Variants in DAGLA observed in about 807,000 individuals in gnomAD.
DAGLA encodes diacylglycerol lipase alpha.
A neutral mutation model predicts 102.6 loss-of-function variants in DAGLA; 22 were observed. That is an observed-to-expected ratio of 0.21 (90% CI 0.15 to 0.31). DAGLA has a LOEUF of 0.31. Ranked by LOEUF, DAGLA falls within the 10% of genes least tolerant of loss-of-function variation. The probability of loss-of-function intolerance (pLI) is 1.00; values close to 1 mark genes in which losing one functional copy is unlikely to be tolerated. For synonymous variants in DAGLA, 578 were observed against 628.9 expected, an observed-to-expected ratio of 0.92 and a Z score of 1.21; for missense variants, 927 against 1,446.6, an observed-to-expected ratio of 0.64 and a Z score of 5.83.
Position 61,744,699 on chromosome 11 carries a change from G to A in DAGLA, c.*210G>A. 1.9e-6 allele frequency: 1 copy of A among 539,706 alleles called. No individual in the cohort carries two copies. The highest frequency in any genetic ancestry group is 3.3e-6 in the Non-Finnish European group (1 of 307,632). 33.4% of individuals were successfully genotyped at this position (539,706 alleles called of 1,614,324 possible). On this transcript the variant is annotated 3_prime_UTR_variant, in exon 20 of 20. Transcript: ENST00000257215. ...GTGGCTGGGATCTGGCCCCACAGAT[G>A]GGGAAAGATGGGGAAGGGTGTGGAG... is the stretch of plus-strand genomic sequence containing the variant.
At chr11:61,739,364 A>G (rs2065454971) in intron 16 of DAGLA, 101 bp from the exon 17 acceptor site, 1 of 1,190,180 alleles carries the variant, frequency 8.4e-7, no homozygotes, top group Non-Finnish European at 1.2e-6. Flanking sequence ...CTTACTGCCC[A>G]CCTCTCACCT....
intron 6 of DAGLA, among the ~76,000 whole-genome samples, chr11:61,726,840 G>A (rs535138094): frequency 2.4e-4 from 37 of 152,348 alleles, no homozygotes; most frequent in Admixed American, 2.2e-3. Flanking sequence ...GCCCACCAGC[G>A]TCCCCTGGTG....
chr11:61,733,140 T>G (rs2065390653), intron 9 of DAGLA, among the ~76,000 whole-genome samples: 1 of 152,234 alleles, frequency 6.6e-6, no homozygotes, highest in Non-Finnish European at 1.5e-5. Context: ...CCACCTGCTC[T>G]TACAGAAGAG....
intron 1 of DAGLA, among the ~76,000 whole-genome samples, chr11:61,692,138 C>T (rs753275932): frequency 3.9e-5 from 6 of 152,186 alleles, no homozygotes; most frequent in African/African-American, 4.8e-5. Flanking sequence ...CTGCTGTGAT[C>T]GTACGTCCAG....
chr11:61,713,931 A>C (rs898348568), intron 1 of DAGLA, among the ~76,000 whole-genome samples: 1 of 152,144 alleles, frequency 6.6e-6, no homozygotes, highest in African/African-American at 2.4e-5. Flanking sequence ...ACCACCTTCC[A>C]ATTTCAAAGC....
At position 61,723,542 on chromosome 11, in the gene DAGLA, G is replaced by T. The variant is rs1279479213; in HGVS notation, c.518G>T (p.Arg173Met). Residue 173 changes from arginine (R) to methionine (M), a missense_variant, in exon 5 of 20, where the codon AGG becomes ATG. Arg to Met is a moderately conservative substitution (Grantham distance 91, BLOSUM62 -1). Transcript: ENST00000257215. The part of the protein sequence containing the change: ...TFVKLRATKR[R>M]QRNLRTYNLR... ...GTCAAGCTGAGAGCCACCAAGAGGA[G>T]GCAGCGTAACCTGCGGACCTACAAC... The T allele has an allele frequency of 9.3e-6, 15 of 1,614,094 alleles. No homozygotes were observed. Among genetic ancestry groups the T allele is most frequent in the Non-Finnish European group, 1.3e-5 (15 of 1,180,004 alleles).
At position 61,721,388 on chromosome 11, in the gene DAGLA, C is replaced by T. The variant is rs1156920638; in HGVS notation, c.307+498C>T. 1.3e-5 allele frequency among the ~76,000 whole-genome samples: 2 copies of T among 151,840 alleles called. 1 individual carries two copies. Among genetic ancestry groups the T allele is most frequent in the Non-Finnish European group, 2.9e-5 (2 of 67,924 alleles). On this transcript the variant is annotated intron_variant, in intron 3 of 19. Transcript: ENST00000257215. ...CAGCCTGGGTGACAGAGCAAGTCTC[C>T]ATCTCAAAAAAAAAGAAAATAAGGT...
intron 1 of DAGLA, among the ~76,000 whole-genome samples, chr11:61,705,077 A>T (rs2135564520): frequency 6.6e-6 from 1 of 152,170 alleles, no homozygotes; most frequent in East Asian, 1.9e-4. Context: ...GTGTTCACAG[A>T]GCCCAGGGCT....
intron 9 of DAGLA, among the ~76,000 whole-genome samples, chr11:61,732,279 C>T (rs1223510334): frequency 1.3e-5 from 2 of 152,188 alleles, no homozygotes; most frequent in Admixed American, 6.5e-5. Context: ...TCTGCAGCGC[C>T]CTCCCTGTCC....
intron 1 of DAGLA, among the ~76,000 whole-genome samples, chr11:61,704,923 C>G (rs1354311706): frequency 3.9e-5 from 6 of 152,154 alleles, no homozygotes; most frequent in African/African-American, 1.4e-4. Context: ...GATTGGGAAC[C>G]CTCAGCGGTG....
chr11:61,717,637 G>A (rs7927516), intron 1 of DAGLA, among the ~76,000 whole-genome samples: 2,601 of 152,326 alleles, frequency 0.017, 72 homozygotes, highest in African/African-American at 0.058. Flanking sequence ...GTAGAGCCCA[G>A]GTTCAAAACC....
At chr11:61,732,962 T>C (rs1201880232) in intron 9 of DAGLA, among the ~76,000 whole-genome samples, 2 of 152,236 alleles carry the variant, frequency 1.3e-5, no homozygotes, top group Non-Finnish European at 1.5e-5. Flanking sequence ...TCCGGGGTGC[T>C]GGCCCTGCTC....
At chr11:61,709,401 G>A (rs2065175635) in intron 1 of DAGLA, among the ~76,000 whole-genome samples, 1 of 152,110 alleles carries the variant, frequency 6.6e-6, no homozygotes, top group Non-Finnish European at 1.5e-5. Context: ...GCACCACCAC[G>A]CCCCGCTAAT....
In DAGLA at chr11:61,743,711, C is replaced by T. The variant is rs751323265; in HGVS notation, c.2351C>T (p.Ser784Leu). 13 of 1,607,614 alleles carry T rather than the reference C, an allele frequency of 8.1e-6. No homozygotes were observed. The highest frequency in any genetic ancestry group is 7.6e-6 in the Non-Finnish European group (9 of 1,178,110). The change falls in exon 20 of 20, where the codon TCG becomes TTG. Residue 784 changes from serine (S) to leucine (L), a missense_variant. Physicochemically the swap from Ser to Leu is moderately radical, Grantham distance 145. Coordinates refer to ENST00000257215, the MANE Select transcript of DAGLA (RefSeq NM_006133.3). ...RAPLATMESLSDTESLYSFDS... is the reference protein window; with the variant it reads ...RAPLATMESLLDTESLYSFDS... ...CCACTGGCCACCATGGAGAGCCTCTCGGACACTGAGTCCCTGTACAGCTTC... is the reference window on the plus strand; with the variant it reads ...CCACTGGCCACCATGGAGAGCCTCTTGGACACTGAGTCCCTGTACAGCTTC...
At chr11:61,706,828 A>G (rs2065154333) in intron 1 of DAGLA, among the ~76,000 whole-genome samples, 1 of 152,196 alleles carries the variant, frequency 6.6e-6, no homozygotes, top group South Asian at 2.1e-4. Context: ...GGAGGAGACG[A>G]GGTGCCACTT....
rs73485408 is a variant in DAGLA, at chr11:61,696,393, C to T, written c.-45+15889C>T. Among the ~76,000 whole-genome samples the T allele has an allele frequency of 7.0e-3, 1,058 of 152,198 alleles. 14 individuals carry two copies. The highest frequency in any genetic ancestry group is 0.025 in the African/African-American group (1,023 of 41,508). Reference sequence around the variant, plus strand: ...ACTCCCAGTGGACCTGACGCCCAGCCGTCCGTCCGTCAAGGACACCACCCC... The same window carrying T: ...ACTCCCAGTGGACCTGACGCCCAGCTGTCCGTCCGTCAAGGACACCACCCC... On this transcript the variant is annotated intron_variant, in intron 1 of 19. Coordinates refer to ENST00000257215, the MANE Select transcript of DAGLA (RefSeq NM_006133.3).
chr11:61,705,666 A>G (rs988644836), intron 1 of DAGLA, among the ~76,000 whole-genome samples: 1 of 152,212 alleles, frequency 6.6e-6, no homozygotes, highest in African/African-American at 2.4e-5. Context: ...AGGCTCCATA[A>G]GGGCTGGCAC....
chr11:61,743,836 G>T lies in DAGLA; in HGVS notation c.2476G>T (p.Ala826Ser). ...DEGHLFYIDP[A>S]IPEENPSLSS... is the part of the protein sequence containing the mutation. ...AGGCCACCTCTTCTACATTGACCCT[G>T]CCATCCCCGAGGAAAACCCATCCCT... The change falls in exon 20 of 20, where the codon GCC becomes TCC. Residue 826 changes from alanine (A) to serine (S), a missense_variant. Physicochemically the swap from Ala to Ser is moderately conservative, Grantham distance 99. Coordinates refer to ENST00000257215, the MANE Select transcript of DAGLA (RefSeq NM_006133.3). 6.2e-7 allele frequency: 1 copy of T among 1,612,510 alleles called. No homozygotes were observed.
chr11:61,720,399 G>C (rs1363460153), intron 2 of DAGLA, 149 bp downstream of exon 2: 2 of 775,460 alleles, frequency 2.6e-6, no homozygotes, highest in Admixed American at 4.4e-5. Context: ...GAAACATCTA[G>C]CCCCTTAGGG....
Sources: allele counts gnomAD v4.1 joint callset (sites outside exome capture counted in the v4.1 genomes callset), GRCh38; gene constraint gnomAD v4.1.1; transcripts MANE v1.5; gene names NCBI Gene and HGNC (gene_info 2026-07-23, HGNC 2026-07-21).